ANKS1A: variants seen among roughly 807,000 people sequenced by gnomAD.
ANKS1A encodes the protein ankyrin repeat and SAM domain-containing protein 1A.
ANKS1A carries 55 observed loss-of-function variants against 120.3 expected under a neutral mutation model. The ratio of observed to expected loss-of-function variants is 0.46; its 90% CI spans 0.37 to 0.57. The LOEUF is 0.57. Ranked by LOEUF, ANKS1A falls within the 20% of genes least tolerant of loss-of-function variation. The probability of loss-of-function intolerance (pLI) is 0.00; values close to 1 mark genes in which losing one functional copy is unlikely to be tolerated. For missense variants in ANKS1A, 1,123 were observed against 1,480.3 expected, an observed-to-expected ratio of 0.76 and a Z score of 3.96; for synonymous variants, 590 against 604.7, an observed-to-expected ratio of 0.98 and a Z score of 0.36.
intron 9 of ANKS1A, among the ~76,000 whole-genome samples, chr6:34,991,981 C>T (rs952071856): frequency 6.6e-6 from 1 of 151,976 alleles, no homozygotes; most frequent in Admixed American, 6.5e-5. Context: ...CAAAGAAAAG[C>T]AGTTTATTGC....
At chr6:34,936,464 T>C (rs1338121693) in intron 1 of ANKS1A, among the ~76,000 whole-genome samples, 1 of 152,202 alleles carries the variant, frequency 6.6e-6, no homozygotes, top group Non-Finnish European at 1.5e-5. Flanking sequence ...GATATAGTAC[T>C]GAGGTCATTA....
chr6:35,031,668 C>T lies in ANKS1A; in HGVS notation c.2010+13609C>T, dbSNP rs76859872. The stretch of plus-strand genomic sequence containing the variant: ...CCTGCTTGCCTTTGGGCTTCTCTAG[C>T]TCATCTTACTTGTGGCTGCCTTACC... On this transcript the variant is annotated intron_variant, in intron 11 of 23. Transcript: ENST00000360359. Among the ~76,000 whole-genome samples, 378 of 152,272 alleles carry T rather than the reference C, an allele frequency of 2.5e-3. 2 individuals carry two copies. Among genetic ancestry groups the T allele is most frequent in the African/African-American group, 5.9e-3 (247 of 41,556 alleles).
At chr6:35,016,993 G>A (rs1774050697) in intron 10 of ANKS1A, among the ~76,000 whole-genome samples, 1 of 142,836 alleles carries the variant, frequency 7.0e-6, no homozygotes, top group African/African-American at 2.6e-5. Flanking sequence ...AGGGCGGGTG[G>A]CCTTTAAATA....
chr6:34,973,906 TTCCCCTTCCCTTCCCC>T (rs1771328359), intron 3 of ANKS1A, among the ~76,000 whole-genome samples: 1 of 67,022 alleles, frequency 1.5e-5, no homozygotes, highest in Non-Finnish European at 2.7e-5. Flanking sequence ...TCCCTTCCCC[TTCCCCTTCCCTTCCCC>T]TTCCCCTTCC....
At chr6:34,902,250 C>CT (rs1192318417) in intron 1 of ANKS1A, among the ~76,000 whole-genome samples, 50 of 149,174 alleles carry the variant, frequency 3.4e-4, no homozygotes, top group South Asian at 1.1e-3. Context: ...TTTTTTGTTT[C>CT]TTTTTTTTTT....
intron 1 of ANKS1A, among the ~76,000 whole-genome samples, chr6:34,927,462 C>T (rs1300253512): frequency 2.0e-5 from 3 of 151,832 alleles, no homozygotes; most frequent in Non-Finnish European, 2.9e-5. Context: ...TACAGGGGCA[C>T]CAGATGCTCA....
chr6:35,043,733 G>C (rs974381699), intron 11 of ANKS1A, among the ~76,000 whole-genome samples: 6 of 152,196 alleles, frequency 3.9e-5, no homozygotes, highest in Non-Finnish European at 8.8e-5. Flanking sequence ...GCACCCTTTT[G>C]ATGTGGATCT....
chr6:34,924,070 TA>T (rs1353556893), intron 1 of ANKS1A, among the ~76,000 whole-genome samples: 1 of 150,118 alleles, frequency 6.7e-6, no homozygotes, highest in African/African-American at 2.5e-5. Context: ...GCACTTGACA[TA>T]GAATAGAGGG....
At chr6:35,097,376 G>A in the ANKS1A span, among the ~76,000 whole-genome samples, 1 of 151,986 alleles carries the variant, frequency 6.6e-6, no homozygotes, top group Admixed American at 6.6e-5. Context: ...GGGCATGGTG[G>A]CAGGTGCCTG....
chr6:35,081,179 G>A (rs1777654243), intron 17 of ANKS1A, 21 bp downstream of exon 17: 8 of 1,593,874 alleles, frequency 5.0e-6, no homozygotes, highest in Non-Finnish European at 6.8e-6. Flanking sequence ...GGGAGTGGAG[G>A]TGCAGCCAGG....
intron 1 of ANKS1A, among the ~76,000 whole-genome samples, chr6:34,891,145 G>T (rs1251472685): frequency 6.6e-6 from 1 of 152,150 alleles, no homozygotes; most frequent in Non-Finnish European, 1.5e-5. Context: ...ACTTAAGCTG[G>T]CCTTGAAGGA....
rs1777893323 is a variant in ANKS1A at position 35,085,084 on chromosome 6, T to C, written c.3133-682T>C. Among the ~76,000 whole-genome samples, 1 of 152,166 alleles carries C rather than the reference T, an allele frequency of 6.6e-6. No individual in the cohort carries two copies. Among genetic ancestry groups the C allele is most frequent in the Admixed American group, 6.5e-5 (1 of 15,284 alleles). Reference sequence around the variant, plus strand: ...TGGGACCTCATCCACCCCAGTCCTCTGTTTGCTCTGGGCCAGTGAAGGTTA... The same window carrying C: ...TGGGACCTCATCCACCCCAGTCCTCCGTTTGCTCTGGGCCAGTGAAGGTTA... On this transcript the variant is annotated intron_variant, in intron 21 of 23. Transcript: ENST00000360359. The surrounding 1 kb of genome is among the most constrained non-coding windows in gnomAD (Gnocchi z 4.7).
chr6:34,963,408 A>G (rs2127503439), intron 1 of ANKS1A, among the ~76,000 whole-genome samples: 1 of 152,298 alleles, frequency 6.6e-6, no homozygotes, highest in South Asian at 2.1e-4. Flanking sequence ...TTTTATTACC[A>G]TAATGTCCTC....
chr6:35,061,707 AT>A (rs1002248580), intron 13 of ANKS1A, among the ~76,000 whole-genome samples: 2 of 152,070 alleles, frequency 1.3e-5, no homozygotes, highest in Non-Finnish European at 1.5e-5. Context: ...TAAAATAGCA[AT>A]TTTTTTTCTT....
intron 11 of ANKS1A, among the ~76,000 whole-genome samples, chr6:35,040,682 G>T (rs1775412086): frequency 6.6e-6 from 1 of 152,204 alleles, no homozygotes; most frequent in Non-Finnish European, 1.5e-5. Flanking sequence ...CTCTACACCA[G>T]TTCACTTATT....
chr6:35,018,653 A>G (rs1774172726), intron 11 of ANKS1A, among the ~76,000 whole-genome samples: 2 of 152,206 alleles, frequency 1.3e-5, no homozygotes, highest in African/African-American at 4.8e-5. Context: ...GGTAGTAGAC[A>G]TAGTACCCAA....
At chr6:35,065,420 C>G (rs1451946844) in intron 13 of ANKS1A, among the ~76,000 whole-genome samples, 1 of 152,244 alleles carries the variant, frequency 6.6e-6, no homozygotes, top group Non-Finnish European at 1.5e-5. Flanking sequence ...GACTGGCTGA[C>G]AGATCCTCTT....
At chr6:35,072,227 C>T (rs528064244) in intron 13 of ANKS1A, among the ~76,000 whole-genome samples, 71 of 152,362 alleles carry the variant, frequency 4.7e-4, no homozygotes, top group South Asian at 4.1e-3. Flanking sequence ...TAGCCCCTGC[C>T]GCTTCTCCTG....
At chr6:35,016,504 G>A (rs1430032907) in intron 10 of ANKS1A, among the ~76,000 whole-genome samples, 1 of 152,194 alleles carries the variant, frequency 6.6e-6, no homozygotes, top group Non-Finnish European at 1.5e-5. Context: ...GGGTGTGCCA[G>A]TGTAGTGCTG....
Sources: gnomAD v4.1 joint callset for allele counts (sites outside exome capture counted in the v4.1 genomes callset) on GRCh38, gnomAD v4.1.1 for gene constraint, Gnocchi (gnomAD v3.1) non-coding constraint, MANE v1.5 for transcripts, NCBI Gene and HGNC (gene_info 2026-07-23, HGNC 2026-07-21) for gene names.